The following BNC2 variants were observed in gnomAD, a reference collection of about 807,000 sequenced individuals.
The protein encoded by BNC2 is basonuclin zinc finger protein 2.
Under a neutral mutation model 76.3 loss-of-function variants are expected in BNC2, and 20 were observed. That is an observed-to-expected ratio of 0.26 (90% CI 0.18 to 0.38). The LOEUF (loss-of-function observed/expected upper bound fraction) is 0.38, where lower values mean the gene tolerates loss of function less well. Ranked by LOEUF, BNC2 falls within the 10% of genes least tolerant of loss-of-function variation. The pLI, the probability that BNC2 is intolerant of heterozygous loss-of-function variation, is 1.00. For missense variants in BNC2, 1,382 were observed against 1,399.8 expected, an observed-to-expected ratio of 0.99 and a Z score of 0.20; for synonymous variants, 582 against 514.8, an observed-to-expected ratio of 1.13 and a Z score of -1.77.
intron 1 of BNC2, among the ~76,000 whole-genome samples, chr9:16,867,098 T>C (rs575135128): frequency 6.6e-6 from 1 of 152,272 alleles, no homozygotes; most frequent in East Asian, 1.9e-4. Context: ...AATTTACCCA[T>C]CCTGTCTAAA....
chr9:16,471,727 G>A (rs975284284), intron 5 of BNC2, among the ~76,000 whole-genome samples: 1 of 152,152 alleles, frequency 6.6e-6, no homozygotes, highest in African/African-American at 2.4e-5. Context: ...GGCATGACTG[G>A]TTTTGAAATG....
At chr9:16,669,876 T>C (rs550909641) in intron 3 of BNC2, among the ~76,000 whole-genome samples, 1 of 152,332 alleles carries the variant, frequency 6.6e-6, no homozygotes, top group South Asian at 2.1e-4. Flanking sequence ...GAGTGGACGG[T>C]AGGAAACTTT....
chr9:16,820,859 T>C (rs1051687012), intron 1 of BNC2, among the ~76,000 whole-genome samples: 4 of 150,638 alleles, frequency 2.7e-5, no homozygotes, highest in African/African-American at 9.7e-5. Flanking sequence ...TTAATGAATC[T>C]GAAAATCAAA....
intron 5 of BNC2, among the ~76,000 whole-genome samples, chr9:16,441,753 T>C (rs1821132932): frequency 6.6e-6 from 1 of 152,190 alleles, no homozygotes; most frequent in Non-Finnish European, 1.5e-5. Context: ...GCATGATACA[T>C]TTTTTTAGTC....
chr9:16,620,768 A>G (rs1307998815), intron 3 of BNC2, among the ~76,000 whole-genome samples: 1 of 152,200 alleles, frequency 6.6e-6, no homozygotes, highest in Non-Finnish European at 1.5e-5. Flanking sequence ...TTCTGAAAAC[A>G]ATTTATAAAC....
chr9:16,776,045 G>C (rs181179842), intron 1 of BNC2, among the ~76,000 whole-genome samples: 1 of 152,142 alleles, frequency 6.6e-6, no homozygotes, highest in African/African-American at 2.4e-5. Flanking sequence ...GCACTTCTAC[G>C]CTGACTTTCA....
Position 16,436,618 on chromosome 9 carries a change from T to C in BNC2, c.1576A>G (p.Lys526Glu), listed in dbSNP as rs749432606. The C allele has an allele frequency of 6.2e-7, 1 of 1,614,042 alleles. No individual in the cohort carries two copies. Among genetic ancestry groups the C allele is most frequent in the African/African-American group, 1.3e-5 (1 of 74,988 alleles). ...GAATPVIASTKSNLALTSPGR... is the reference protein window; with the variant it reads ...GAATPVIASTESNLALTSPGR... ...GGGCTTGTGAGTGCCAGATTTGATT[T>C]TGTACTTGCTATGACAGGGGTGGCA... The change falls in exon 6 of 7, where the codon AAA becomes GAA. Residue 526 changes from lysine (K) to glutamate (E), a missense_variant. Coordinates refer to ENST00000380672, the MANE Select transcript of BNC2 (RefSeq NM_017637.6).
At position 16,437,198 on chromosome 9, in the gene BNC2, T is replaced by C. The variant is rs767636603; in HGVS notation, c.996A>G (p.Ser332=). 4 of 1,614,178 alleles carry C rather than the reference T, an allele frequency of 2.5e-6. No homozygotes were observed. Among genetic ancestry groups the C allele is most frequent in the Non-Finnish European group, 3.4e-6 (4 of 1,180,024 alleles). ...LLPFQYINPV[S]APLLGLPPNG... ...TTGGAGGCAACCCTAGCAGTGGTGC[T>C]GAGACAGGGTTTATGTACTGGAATG... The change falls in exon 6 of 7, where the codon TCA becomes TCG. Residue 332 remains serine (S), a synonymous_variant. Transcript: ENST00000380672.
At position 16,418,877 on chromosome 9, in the gene BNC2, A is replaced by ACACACACG. The variant is rs1587005555; in HGVS notation, c.*111_*112insCGTGTGTG. 5.9e-6 allele frequency: 6 copies of ACACACACG among 1,012,714 alleles called. No homozygotes were observed. Among genetic ancestry groups the ACACACACG allele is most frequent in the East Asian group, 5.1e-5 (2 of 39,552 alleles). The allele number at this position is 1,012,714 out of a possible 1,614,324, so 62.7% of individuals were successfully genotyped here. On this transcript the variant is annotated 3_prime_UTR_variant, in exon 7 of 7. Transcript: ENST00000380672. ...AGCCACAGAGCATACATAAATGCAC[A>ACACACACG]CACACACACACACACACACACACCC... is the stretch of plus-strand genomic sequence containing the variant.
At chr9:16,810,358 T>G (rs1278133044) in intron 1 of BNC2, among the ~76,000 whole-genome samples, 5 of 152,114 alleles carry the variant, frequency 3.3e-5, no homozygotes, top group African/African-American at 7.2e-5. Context: ...TCTTCAGCCT[T>G]GCAAAACCAA....
At chr9:16,763,202 T>C (rs1341368388) in intron 1 of BNC2, among the ~76,000 whole-genome samples, 1 of 152,174 alleles carries the variant, frequency 6.6e-6, no homozygotes, top group African/African-American at 2.4e-5. Flanking sequence ...AGAAGATAAA[T>C]TTATTTTTAT....
At position 16,436,354 on chromosome 9, in the gene BNC2, G is replaced by C; in HGVS notation, c.1840C>G (p.Pro614Ala). 6.2e-7 allele frequency: 1 copy of C among 1,614,104 alleles called. No individual in the cohort carries two copies. The highest frequency in any genetic ancestry group is 2.2e-5 in the East Asian group (1 of 44,878). The part of the protein sequence containing the change: ...HPPPPSEPVV[P>A]AVMMATHEPS... Reference sequence around the variant, plus strand: ...TCATGGGTGGCCATCATCACTGCTGGCACTACTGGCTCAGAGGGTGGCGGG... The same window carrying C: ...TCATGGGTGGCCATCATCACTGCTGCCACTACTGGCTCAGAGGGTGGCGGG... Residue 614 changes from proline to alanine, a missense_variant, in exon 6 of 7, where the codon CCA becomes GCA. This residue lies in a region of BNC2 where 798 missense variants were observed against 775.5 expected (regional missense o/e 1.03). Coordinates refer to ENST00000380672, the MANE Select transcript of BNC2 (RefSeq NM_017637.6).
intron 5 of BNC2, among the ~76,000 whole-genome samples, chr9:16,495,399 T>C (rs1302932704): frequency 6.6e-6 from 1 of 152,192 alleles, no homozygotes; most frequent in Non-Finnish European, 1.5e-5. Context: ...AAGACCACTG[T>C]GGACTTAAGC....
At chr9:16,780,032 C>G (rs773825772) in intron 1 of BNC2, among the ~76,000 whole-genome samples, 6 of 150,572 alleles carry the variant, frequency 4.0e-5, no homozygotes, top group East Asian at 2.0e-4. Flanking sequence ...GTCAGCAGAT[C>G]GAGACCATCC....
intron 5 of BNC2, among the ~76,000 whole-genome samples, chr9:16,479,468 G>A (rs1297058735): frequency 6.6e-6 from 1 of 152,078 alleles, no homozygotes; most frequent in African/African-American, 2.4e-5. Flanking sequence ...TGATAGGGAG[G>A]TATAAGAGCC....
At chr9:16,764,931 A>T (rs1256584149) in intron 1 of BNC2, among the ~76,000 whole-genome samples, 1 of 151,998 alleles carries the variant, frequency 6.6e-6, no homozygotes, top group African/African-American at 2.4e-5. Flanking sequence ...ATGGGGAAGA[A>T]GGGAAGGAAG....
chr9:16,796,405 G>C (rs1381724344), intron 1 of BNC2, among the ~76,000 whole-genome samples: 1 of 152,136 alleles, frequency 6.6e-6, no homozygotes, highest in Non-Finnish European at 1.5e-5. Flanking sequence ...ATTTGAAATA[G>C]TACATATTTA....
At chr9:16,739,921 G>C (rs767115467) in intron 1 of BNC2, among the ~76,000 whole-genome samples, 1 of 152,168 alleles carries the variant, frequency 6.6e-6, no homozygotes, top group Admixed American at 6.5e-5. Flanking sequence ...GGGAACAGCA[G>C]ATCATGCAGA....
At chr9:16,803,562 A>C (rs1817833792) in intron 1 of BNC2, among the ~76,000 whole-genome samples, 1 of 152,330 alleles carries the variant, frequency 6.6e-6, no homozygotes, top group East Asian at 1.9e-4. Context: ...GAAGGGAAGG[A>C]CATGCAATTA....
Sources: allele counts gnomAD v4.1 joint callset (sites outside exome capture counted in the v4.1 genomes callset), GRCh38; gene constraint gnomAD v4.1.1; regional missense constraint gnomAD v4.1.1; transcripts MANE v1.5; gene names NCBI Gene and HGNC (gene_info 2026-07-23, HGNC 2026-07-21).